The following MIB1 variants were observed in gnomAD, a reference collection of about 807,000 sequenced individuals.
MIB1 encodes E3 ubiquitin-protein ligase MIB1.
MIB1 carries 278 observed loss-of-function variants against 124.5 expected under a neutral mutation model. The ratio of observed to expected loss-of-function variants is 2.23; its 90% CI spans 2.02 to 2.47. The LOEUF (loss-of-function observed/expected upper bound fraction) is 2.47. Among genes scored for constraint, MIB1 ranks in the 30% most tolerant of loss-of-function variants. The probability of loss-of-function intolerance (pLI) is 0.00; values close to 1 mark genes in which losing one functional copy is unlikely to be tolerated. For missense variants in MIB1, 957 were observed against 1,254.4 expected (o/e 0.76, Z 3.58); for synonymous variants, 446 against 429.4 (o/e 1.04, Z -0.48).
intron 12 of MIB1, among the ~76,000 whole-genome samples, chr18:21,834,013 C>G (rs990752868): frequency 6.6e-6 from 1 of 152,194 alleles, no homozygotes; most frequent in Non-Finnish European, 1.5e-5. Context: ...ACTGAATTCT[C>G]GAGCTGGTAA....
At chr18:21,742,968 A>G (rs938598331) in intron 1 of MIB1, among the ~76,000 whole-genome samples, 2 of 152,208 alleles carry the variant, frequency 1.3e-5, no homozygotes, top group African/African-American at 2.4e-5. Flanking sequence ...TGTTTTAGAG[A>G]CAGTTGTCTC....
intron 14 of MIB1, 91 bp from the exon 15 acceptor site, chr18:21,844,001 G>T: frequency 8.8e-7 from 1 of 1,138,936 alleles, no homozygotes; most frequent in Non-Finnish European, 1.2e-6. Flanking sequence ...TTCTTCAGTA[G>T]GTCCAGGGTG....
intron 1 of MIB1, among the ~76,000 whole-genome samples, chr18:21,706,620 T>TGGCACCGCCGGCC (rs1354201322): frequency 8.5e-5 from 13 of 152,210 alleles, no homozygotes; most frequent in Non-Finnish European, 1.6e-4. Flanking sequence ...GAGCGCCGGC[T>TGGCACCGCCGGCC]GGCACCGCCG....
Position 21,857,205 on chromosome 18 carries a change from G to A in MIB1, c.2741G>A (p.Cys914Tyr). 1 of 1,614,014 alleles carries A rather than the reference G, an allele frequency of 6.2e-7. No individual in the cohort carries two copies. The highest frequency in any genetic ancestry group is 8.5e-7 in the Non-Finnish European group (1 of 1,179,854). The change falls in exon 19 of 21, where the codon TGT (cysteine) becomes TAT (tyrosine). Residue 914 changes from cysteine (C) to tyrosine (Y), a missense_variant. Transcript: ENST00000261537. Reference sequence around the variant, plus strand: ...CGAAGAGTGCCTTTCATTATGTGCTGTGGAGGGAAAAGTTCAGAAGATGCC... The same window carrying A: ...CGAAGAGTGCCTTTCATTATGTGCTATGGAGGGAAAAGTTCAGAAGATGCC... ...VERRVPFIMCCGGKSSEDATD... is the reference protein window; with the variant it reads ...VERRVPFIMCYGGKSSEDATD...
intron 9 of MIB1, among the ~76,000 whole-genome samples, chr18:21,803,412 A>T (rs988203014): frequency 2.0e-5 from 3 of 152,228 alleles, no homozygotes; most frequent in Admixed American, 1.3e-4. Flanking sequence ...ATAGTTGTAT[A>T]TAACTACCTT....
chr18:21,795,287 G>T (rs866675985), intron 7 of MIB1, among the ~76,000 whole-genome samples: 190 of 132,036 alleles, frequency 1.4e-3, no homozygotes, highest in African/African-American at 4.9e-3. Flanking sequence ...AAATATATAT[G>T]TATATATATA....
chr18:21,797,288 T>G (rs2146451033), intron 7 of MIB1, among the ~76,000 whole-genome samples: 1 of 152,234 alleles, frequency 6.6e-6, no homozygotes, highest in Non-Finnish European at 1.5e-5. Flanking sequence ...GATGGGTACA[T>G]GAGGATTCAG....
chr18:21,712,434 T>C (rs2040669889), intron 1 of MIB1, among the ~76,000 whole-genome samples: 1 of 152,128 alleles, frequency 6.6e-6, no homozygotes, highest in Admixed American at 6.6e-5. Flanking sequence ...GATTATACTA[T>C]GTTATATAAG....
intron 7 of MIB1, among the ~76,000 whole-genome samples, chr18:21,792,861 A>G (rs1278012045): frequency 6.6e-6 from 1 of 152,216 alleles, no homozygotes; most frequent in Non-Finnish European, 1.5e-5. Flanking sequence ...AGAGAATTCT[A>G]AAGGGAAATT....
chr18:21,786,090 C>CT (rs1287852138), intron 6 of MIB1, among the ~76,000 whole-genome samples: 7 of 151,168 alleles, frequency 4.6e-5, no homozygotes, highest in Admixed American at 2.6e-4. Context: ...TTGGGGTAGT[C>CT]TATTTGTTTT....
At chr18:21,744,506 A>T (rs1032740245) in intron 1 of MIB1, among the ~76,000 whole-genome samples, 12 of 152,124 alleles carry the variant, frequency 7.9e-5, no homozygotes, top group African/African-American at 2.9e-4. Flanking sequence ...TATTTATTCA[A>T]ATTATATGCA....
chr18:21,746,877 C>G (rs528424007), intron 1 of MIB1, among the ~76,000 whole-genome samples: 180 of 152,254 alleles, frequency 1.2e-3, no homozygotes, highest in Middle Eastern at 3.4e-3. Flanking sequence ...AAAAACTTCT[C>G]AGATGTTTTG....
rs1368985180 is a variant in MIB1, at chr18:21,864,823, T to C, written c.*157T>C. 2.1e-6 allele frequency: 1 copy of C among 466,876 alleles called. No homozygotes were observed. Among genetic ancestry groups the C allele is most frequent in the Non-Finnish European group, 3.7e-6 (1 of 271,420 alleles). 28.9% of individuals were successfully genotyped at this position (466,876 alleles called of 1,614,324 possible). The stretch of plus-strand genomic sequence containing the variant: ...GTAAATGTACCAGAACAAAAAACCC[T>C]ACAAAATGGTGTTGGAAATTGTGTT... On this transcript the variant is annotated 3_prime_UTR_variant, in exon 21 of 21. Transcript: ENST00000261537.
At chr18:21,840,657 ATATATATATTTTTTT>A (rs1326270379) in intron 13 of MIB1, among the ~76,000 whole-genome samples, 64 of 1,684 alleles carry the variant, frequency 0.038, 1 homozygote, top group African/African-American at 0.082. Context: ...ATATATATAT[ATATATATATTTTTTT>A]TTTTTTTTAA....
intron 1 of MIB1, among the ~76,000 whole-genome samples, chr18:21,707,277 G>A (rs542967217): frequency 1.3e-5 from 2 of 152,172 alleles, no homozygotes; most frequent in African/African-American, 2.4e-5. Flanking sequence ...TTTGTGTCTA[G>A]CTCAGCGATT....
At position 21,843,708 on chromosome 18, in the gene MIB1, A is replaced by G. The variant is rs189556899; in HGVS notation, c.2050-384A>G. Among the ~76,000 whole-genome samples the G allele has an allele frequency of 5.3e-5, 8 of 152,358 alleles. No homozygotes were observed. The East Asian group carries it at 1.2e-3, about 22-fold the overall frequency. ...TAATAACAGTTCCTTGTTTGTTTAC[A>G]TAATAGAAGAATTTTGAACATTATG... is the stretch of plus-strand genomic sequence containing the variant. On this transcript the variant is annotated intron_variant, in intron 14 of 20. Coordinates refer to ENST00000261537, the MANE Select transcript of MIB1 (RefSeq NM_020774.4).
rs147078408 is a variant in MIB1 at position 21,785,677 on chromosome 18, ATCTG to A, written c.909-5691_909-5688del. 7.3e-3 allele frequency among the ~76,000 whole-genome samples: 1,104 copies of A among 152,272 alleles called. 11 individuals carry two copies. Among genetic ancestry groups the A allele is most frequent in the African/African-American group, 0.025 (1,040 of 41,554 alleles). ...AATTGTAGTATTAAGAGTATTCTGAATCTGTCTGTGTAATTACTTTTACCAGGGA... is the reference window on the plus strand; with the variant it reads ...AATTGTAGTATTAAGAGTATTCTGAATCTGTGTAATTACTTTTACCAGGGA... On this transcript the variant is annotated intron_variant, in intron 6 of 20. Transcript: ENST00000261537.
At chr18:21,717,360 A>G (rs1239139400) in intron 1 of MIB1, among the ~76,000 whole-genome samples, 1 of 152,240 alleles carries the variant, frequency 6.6e-6, no homozygotes, top group Non-Finnish European at 1.5e-5. Context: ...CCAAGAACCC[A>G]AAAGCAAACA....
At chr18:21,734,243 A>G (rs961565629) in intron 1 of MIB1, among the ~76,000 whole-genome samples, 1 of 151,362 alleles carries the variant, frequency 6.6e-6, no homozygotes, top group Non-Finnish European at 1.5e-5. Context: ...AGTAGCTGGG[A>G]CTACAGGCGC....
Sources: gnomAD v4.1 joint callset for allele counts (sites outside exome capture counted in the v4.1 genomes callset) on GRCh38, gnomAD v4.1.1 for gene constraint, MANE v1.5 for transcripts, NCBI Gene and HGNC (gene_info 2026-07-23, HGNC 2026-07-21) for gene names.